L3MBTL2: variants seen among roughly 807,000 people sequenced by gnomAD.
L3MBTL2 encodes lethal(3)malignant brain tumor-like protein 2.
A neutral mutation model predicts 86.4 loss-of-function variants in L3MBTL2; 49 were observed. The observed-to-expected ratio is 0.57, with a 90% CI of 0.45 to 0.72. The LOEUF is 0.72. Ranked by LOEUF, L3MBTL2 falls within the 30% of genes least tolerant of loss-of-function variation. L3MBTL2 has a pLI of 0.00. For missense variants in L3MBTL2, 755 were observed against 923.7 expected, an observed-to-expected ratio of 0.82 and a Z score of 2.37; for synonymous variants, 336 against 350.6, an observed-to-expected ratio of 0.96 and a Z score of 0.47.
chr22:41,209,737 C>T lies in L3MBTL2; in HGVS notation c.66C>T (p.Asp22=), dbSNP rs201966770. 202 of 1,614,154 alleles carry T rather than the reference C, an allele frequency of 1.3e-4. No individual in the cohort carries two copies. The East Asian group carries it at 1.7e-3, about 13-fold the overall frequency. Residue 22 remains aspartate, a synonymous_variant, in exon 2 of 17, where the codon GAC becomes GAT. Transcript: ENST00000216237. ...SSEPMEEEED[D]DLELFGGYDS... is the part of the protein sequence containing the mutation. The stretch of plus-strand genomic sequence containing the variant: ...AACCAATGGAGGAAGAGGAAGATGA[C>T]GACTTGGAGCTGTTTGGTGGCTATG...
intron 15 of L3MBTL2, 148 bp from the exon 16 acceptor site, chr22:41,229,392 T>A (rs1236907362): frequency 6.5e-6 from 5 of 768,526 alleles, no homozygotes; most frequent in Non-Finnish European, 1.0e-5. Context: ...CAATAAGATG[T>A]GTTGTCAGAG....
intron 2 of L3MBTL2, among the ~76,000 whole-genome samples, chr22:41,210,533 G>A (rs967078883): frequency 2.8e-4 from 43 of 152,312 alleles, no homozygotes; most frequent in African/African-American, 9.9e-4. Context: ...GTTTCACCAC[G>A]TTAGCCAGGA....
At position 41,224,278 on chromosome 22, in the gene L3MBTL2, C is replaced by A; in HGVS notation, c.1174+27C>A. The A allele has an allele frequency of 6.4e-7, 1 of 1,567,146 alleles. No individual in the cohort carries two copies. The highest frequency in any genetic ancestry group is 8.8e-7 in the Non-Finnish European group (1 of 1,140,640). Reference sequence around the variant, plus strand: ...TTAGCAGAGCCCCAGGCCAGAGGGACTGCATGCTGTGCTTCCCCAGGGACG... The same window carrying A: ...TTAGCAGAGCCCCAGGCCAGAGGGAATGCATGCTGTGCTTCCCCAGGGACG... On this transcript the variant is annotated intron_variant, in intron 9 of 16. Transcript: ENST00000216237. This position sits in a 1 kb window ranked among gnomAD's most constrained non-coding sequence, Gnocchi z 4.9.
Position 41,225,117 on chromosome 22 carries a change from G to T in L3MBTL2, c.1356+46G>T, listed in dbSNP as rs1463648588. The T allele has an allele frequency of 7.3e-6, 11 of 1,504,728 alleles. No individual in the cohort carries two copies. The African/African-American group carries it at 9.7e-5, about 13-fold the overall frequency. 93.2% of individuals were successfully genotyped at this position (1,504,728 alleles called of 1,614,324 possible). A position where few individuals can be genotyped will look rare whatever the true frequency, so the allele number is the denominator to read the frequency against. On this transcript the variant is annotated intron_variant, in intron 11 of 16. Transcript: ENST00000216237. This position sits in a 1 kb window ranked among gnomAD's most constrained non-coding sequence, Gnocchi z 4.1. ...CCAGCCTCCAGATTTCTGAGCGGGG[G>T]GACCCATGTGGCCCAGAGCTCTAAC...
At chr22:41,211,283 C>G (rs552760335) in intron 2 of L3MBTL2, among the ~76,000 whole-genome samples, 1 of 152,078 alleles carries the variant, frequency 6.6e-6, no homozygotes, top group Non-Finnish European at 1.5e-5. Flanking sequence ...TCACTGCAGC[C>G]TCGACCTCCT....
At chr22:41,212,396 CTTTTT>C (rs10553071) in intron 2 of L3MBTL2, among the ~76,000 whole-genome samples, 1 of 125,822 alleles carries the variant, frequency 7.9e-6, no homozygotes, top group Non-Finnish European at 1.6e-5. Context: ...TAGGTTCAGG[CTTTTT>C]TTTTTTTTTT....
Position 41,227,024 on chromosome 22 carries a change from C to T in L3MBTL2, c.1588-65C>T. 2 of 1,423,448 alleles carry T rather than the reference C, an allele frequency of 1.4e-6. No individual in the cohort carries two copies. Among genetic ancestry groups the T allele is most frequent in the Non-Finnish European group, 9.6e-7 (1 of 1,040,416 alleles). 88.2% of individuals were successfully genotyped at this position (1,423,448 alleles called of 1,614,324 possible). On this transcript the variant is annotated intron_variant, in intron 13 of 16. Transcript: ENST00000216237. The surrounding 1 kb of genome is among the most constrained non-coding windows in gnomAD (Gnocchi z 6.0). ...TGCCAGTTCTTCAAGTGCCTCCGGG[C>T]CGGGGCAAGCCTGCTGGGGTAGGGA...
In L3MBTL2 at chr22:41,230,232, A is replaced by C; in HGVS notation, c.2099A>C (p.Lys700Thr). ...CTGCCTGTCTCCGTCGAGAACATCA[A>C]GCAGGAAACAGACGACTGAGCCTTC... ...PELPVSVENIKQETDD is the reference protein window; with the variant it reads ...PELPVSVENITQETDD Residue 700 changes from lysine to threonine, a missense_variant, in exon 17 of 17, where the codon AAG becomes ACG. Transcript: ENST00000216237. 1.2e-6 allele frequency: 2 copies of C among 1,613,762 alleles called. No individual in the cohort carries two copies. Among genetic ancestry groups the C allele is most frequent in the Non-Finnish European group, 1.7e-6 (2 of 1,179,922 alleles).
At chr22:41,213,811 C>T in intron 2 of L3MBTL2, 82 bp from the exon 3 acceptor site, 2 of 1,498,592 alleles carry the variant, frequency 1.3e-6, no homozygotes, top group African/African-American at 1.4e-5. Context: ...TAATGCAGTG[C>T]CCCAGGTTTT....
At position 41,227,148 on chromosome 22, in the gene L3MBTL2, G is replaced by A; in HGVS notation, c.1647G>A (p.Glu549=). 1 of 1,613,710 alleles carries A rather than the reference G, an allele frequency of 6.2e-7. No individual in the cohort carries two copies. Among genetic ancestry groups the A allele is most frequent in the East Asian group, 2.2e-5 (1 of 44,884 alleles). ...AGCTGGAGGCCGTGGACCTGATGGA[G>A]CCCCGGCTCATCTGTGTGGCCACGG... ...GMKLEAVDLM[E]PRLICVATVK... is the part of the protein sequence containing the mutation. The change falls in exon 14 of 17, where the codon GAG becomes GAA. Residue 549 remains glutamate (E), a synonymous_variant. Transcript: ENST00000216237. The surrounding 1 kb of genome is among the most constrained non-coding windows in gnomAD (Gnocchi z 6.0).
Position 41,226,000 on chromosome 22 carries a change from G to C in L3MBTL2, c.1504+59G>C. 1 of 1,564,030 alleles carries C rather than the reference G, an allele frequency of 6.4e-7. No homozygotes were observed. The highest frequency in any genetic ancestry group is 8.7e-7 in the Non-Finnish European group (1 of 1,151,328). On this transcript the variant is annotated intron_variant, in intron 12 of 16. Coordinates refer to ENST00000216237, the MANE Select transcript of L3MBTL2 (RefSeq NM_031488.5). This position sits in a 1 kb window ranked among gnomAD's most constrained non-coding sequence, Gnocchi z 4.1. ...GCCATCAGAAGGGGCAGGGTGTCCA[G>C]GCGCGGTGGCTCCCGCCTGTAATCC...
At chr22:41,205,488 G>A (rs1027967958) in intron 1 of L3MBTL2, 102 bp downstream of exon 1, 3 of 1,352,176 alleles carry the variant, frequency 2.2e-6, no homozygotes, top group Admixed American at 1.7e-5. Flanking sequence ...AGGGTGGAGG[G>A]TGGGAGGATG....
chr22:41,209,976 A>C (rs2030587363), intron 2 of L3MBTL2, 43 bp downstream of exon 2: 1 of 1,600,042 alleles, frequency 6.2e-7, no homozygotes, highest in African/African-American at 1.3e-5. Flanking sequence ...GAGATAGAAG[A>C]TTATAGAGGA....
At position 41,230,310 on chromosome 22, in the gene L3MBTL2, C is replaced by T. The variant is rs1024051748; in HGVS notation, c.*59C>T. On this transcript the variant is annotated 3_prime_UTR_variant, in exon 17 of 17. Coordinates refer to ENST00000216237, the MANE Select transcript of L3MBTL2 (RefSeq NM_031488.5). ...AGCCAGCCCAGCGTTTCTCTACCAC[C>T]ACCACCATGCCTCCACCTGACTTTG... 91 of 1,227,072 alleles carry T rather than the reference C, an allele frequency of 7.4e-5. No individual in the cohort carries two copies. Among genetic ancestry groups the T allele is most frequent in the Middle Eastern group, 5.6e-4 (3 of 5,392 alleles). 76.0% of individuals were successfully genotyped at this position (1,227,072 alleles called of 1,614,324 possible).
chr22:41,219,797 G>C (rs1052121460), intron 6 of L3MBTL2, among the ~76,000 whole-genome samples: 2 of 152,012 alleles, frequency 1.3e-5, no homozygotes, highest in Non-Finnish European at 2.9e-5. Context: ...GCTGGAGTAC[G>C]GTGGCACGAT....
Position 41,224,953 on chromosome 22 carries a change from C to A in L3MBTL2, c.1252-14C>A. The A allele has an allele frequency of 6.2e-7, 1 of 1,610,472 alleles. No homozygotes were observed. Among genetic ancestry groups the A allele is most frequent in the South Asian group, 1.1e-5 (1 of 90,878 alleles). ...GCCTGCCCAGGGAGTCCCCAGCTGT[C>A]CCATTCCTTTAAGGTACGAGCAGTC... On this transcript the variant is annotated splice_polypyrimidine_tract_variant and intron_variant, in intron 10 of 16. Transcript: ENST00000216237. The surrounding 1 kb of genome is among the most constrained non-coding windows in gnomAD (Gnocchi z 4.9).
rs1275494057 is a variant in L3MBTL2 at position 41,231,043 on chromosome 22, T to A, written c.*792T>A. 1 of 152,226 alleles carries A rather than the reference T, an allele frequency of 6.6e-6. No homozygotes were observed. Among genetic ancestry groups the A allele is most frequent in the South Asian group, 2.1e-4 (1 of 4,832 alleles). The allele number at this position is 152,226 out of a possible 1,614,324, so 9.4% of individuals were successfully genotyped here. A position where few individuals can be genotyped will look rare whatever the true frequency, so the allele number is the denominator to read the frequency against. On this transcript the variant is annotated 3_prime_UTR_variant, in exon 17 of 17. Transcript: ENST00000216237. ...CTAAAAATAATTCATCCAAGATTCC[T>A]TTGTAGTTAAAGGGTCCAGTTCTGA... is the stretch of plus-strand genomic sequence containing the variant.
chr22:41,222,504 G>T (rs568380015), intron 8 of L3MBTL2, among the ~76,000 whole-genome samples: 1 of 152,076 alleles, frequency 6.6e-6, no homozygotes, highest in Non-Finnish European at 1.5e-5. Flanking sequence ...TGGTAAAAGT[G>T]ACTCATACCT....
intron 1 of L3MBTL2, among the ~76,000 whole-genome samples, chr22:41,205,848 C>T (rs1179590856): frequency 1.3e-5 from 2 of 152,158 alleles, no homozygotes; most frequent in African/African-American, 4.8e-5. Flanking sequence ...GTTCAAGCCA[C>T]TGAGGCTTAG....
Sources: gnomAD v4.1 joint callset for allele counts (sites outside exome capture counted in the v4.1 genomes callset) on GRCh38, gnomAD v4.1.1 for gene constraint, Gnocchi (gnomAD v3.1) non-coding constraint, MANE v1.5 for transcripts, NCBI Gene and HGNC (gene_info 2026-07-23, HGNC 2026-07-21) for gene names.